ETS1: variants seen among roughly 807,000 people sequenced by gnomAD.
ETS1 encodes ETS proto-oncogene 1, transcription factor, also known as protein C-ets-1.
A neutral mutation model predicts 58.6 loss-of-function variants in ETS1; 15 were observed. The observed-to-expected ratio is 0.26, with a 90% CI of 0.17 to 0.39. ETS1 has a LOEUF of 0.39. ETS1 is among the 10% of genes least tolerant of loss of function. ETS1 has a pLI of 1.00. For synonymous variants in ETS1, 214 were observed against 218.2 expected (o/e 0.98, Z 0.17); for missense variants, 417 against 610.5 (o/e 0.68, Z 3.34).
chr11:128,562,085 T>G (rs1565410869), intron 2 of ETS1, among the ~76,000 whole-genome samples: 1 of 152,000 alleles, frequency 6.6e-6, no homozygotes, highest in Non-Finnish European at 1.5e-5. Context: ...GCACCAGGGG[T>G]GGTGAACAAG....
chr11:128,484,992 C>A lies in ETS1; in HGVS notation c.693G>T (p.Thr231=). The part of the protein sequence containing the change: ...EPSFITESYQ[T]LHPISSEELL... Reference sequence around the variant, plus strand: ...GCTCTTCCGAGCTGATGGGATGGAGCGTCTGATAGGACTCTGTGATGAAGC... The same window carrying A: ...GCTCTTCCGAGCTGATGGGATGGAGAGTCTGATAGGACTCTGTGATGAAGC... The change falls in exon 7 of 10, where the codon ACG becomes ACT. Residue 231 remains threonine, a synonymous_variant. Coordinates refer to ENST00000392668, the MANE Select transcript of ETS1 (RefSeq NM_001143820.2). 6.2e-7 allele frequency: 1 copy of A among 1,613,888 alleles called. No individual in the cohort carries two copies. The highest frequency in any genetic ancestry group is 8.5e-7 in the Non-Finnish European group (1 of 1,179,894).
rs755967336 is a variant in ETS1 at position 128,463,584 on chromosome 11, G to A, written c.1167C>T (p.Leu389=). 6.2e-7 allele frequency: 1 copy of A among 1,612,772 alleles called. No individual in the cohort carries two copies. The highest frequency in any genetic ancestry group is 1.1e-5 in the South Asian group (1 of 91,042). ...IQLWQFLLEL[L]TDKSCQSFIS... ...TAAAAGACTGACAGGATTTATCAGT[G>A]AGTAATTCCAGAAGAAACTGCCATA... is the stretch of plus-strand genomic sequence containing the variant. The change falls in exon 9 of 10, where the codon CTC becomes CTT. Residue 389 remains leucine (L), a synonymous_variant. Transcript: ENST00000392668. This position sits in a 1 kb window ranked among gnomAD's most constrained non-coding sequence, Gnocchi z 4.1.
At chr11:128,527,177 A>G in intron 3 of ETS1, 1 of 326,380 alleles carries the variant, frequency 3.1e-6, no homozygotes, top group South Asian at 2.3e-5. Context: ...CAGGATAACC[A>G]CACTATGGTT....
At chr11:128,505,003 G>A (rs1863192094) in intron 3 of ETS1, 1 of 152,224 alleles carries the variant, frequency 6.6e-6, no homozygotes, top group South Asian at 2.1e-4. Flanking sequence ...GGGATATTAA[G>A]CAACTTTCAA....
chr11:128,491,672 C>T (rs1862804674), intron 3 of ETS1, among the ~76,000 whole-genome samples: 1 of 152,196 alleles, frequency 6.6e-6, no homozygotes, highest in African/African-American at 2.4e-5. Flanking sequence ...AATGGATGAG[C>T]AAGACATTTT....
intron 8 of ETS1, among the ~76,000 whole-genome samples, chr11:128,476,415 G>T (rs902741568): frequency 2.0e-5 from 3 of 152,230 alleles, no homozygotes; most frequent in Non-Finnish European, 2.9e-5. Flanking sequence ...ATGAAGAAAA[G>T]ATTTTCTATT....
chr11:128,526,791 C>T, intron 3 of ETS1: 1 of 369,518 alleles, frequency 2.7e-6, no homozygotes, highest in Non-Finnish European at 5.3e-6. Flanking sequence ...ATTTGTAGTG[C>T]CTCTTTGGAG....
intron 3 of ETS1, among the ~76,000 whole-genome samples, chr11:128,547,968 G>A (rs1032599230): frequency 1.3e-5 from 2 of 151,986 alleles, no homozygotes; most frequent in Non-Finnish European, 2.9e-5. Flanking sequence ...TTTCATGTTT[G>A]ACTGATGACC....
chr11:128,521,305 G>T (rs183369255), intron 3 of ETS1, among the ~76,000 whole-genome samples: 39 of 152,286 alleles, frequency 2.6e-4, no homozygotes, highest in African/African-American at 7.7e-4. Flanking sequence ...AGAAACATGG[G>T]TAAAGTAAGT....
intron 1 of ETS1, among the ~76,000 whole-genome samples, chr11:128,582,640 A>T (rs915094935): frequency 6.6e-6 from 1 of 152,276 alleles, no homozygotes; most frequent in South Asian, 2.1e-4. Context: ...ATTCCCTTTC[A>T]TAATCATAGG....
chr11:128,540,388 A>G (rs1001422276), intron 3 of ETS1, among the ~76,000 whole-genome samples: 1 of 152,122 alleles, frequency 6.6e-6, no homozygotes, highest in Admixed American at 6.5e-5. Flanking sequence ...TAGCTGCACA[A>G]TACTGTAAAT....
At chr11:128,507,845 C>T (rs1372160394) in intron 3 of ETS1, among the ~76,000 whole-genome samples, 13 of 152,176 alleles carry the variant, frequency 8.5e-5, no homozygotes, top group Non-Finnish European at 1.3e-4. Context: ...GCTGTATTAT[C>T]AAGTACAGAG....
In ETS1 at chr11:128,490,940, G is replaced by A. The variant is rs145828093; in HGVS notation, c.215-364C>T. On this transcript the variant is annotated intron_variant, in intron 3 of 9. Coordinates refer to ENST00000392668, the MANE Select transcript of ETS1 (RefSeq NM_001143820.2). ...TCACCATGTTGGCCAGGCTGGTCTC[G>A]AGCTCCTGACCTCAAGTGATCCACC... is the stretch of plus-strand genomic sequence containing the variant. 2.1e-3 allele frequency among the ~76,000 whole-genome samples: 326 copies of A among 151,722 alleles called. 3 individuals are homozygous for A. Among genetic ancestry groups the A allele is most frequent in the African/African-American group, 7.2e-3 (297 of 41,370 alleles).
In ETS1 at chr11:128,585,144, GAAA is replaced by G. The variant is rs1565421773; in HGVS notation, c.-15+2341_-15+2343del. ...AGAAAGAAGAAAGAAAGAAAAGAAA[GAAA>G]GAAAGAAAGAAAGAAAGAAAGAGAA... On this transcript the variant is annotated intron_variant, in intron 1 of 9. Coordinates refer to ENST00000392668, the MANE Select transcript of ETS1 (RefSeq NM_001143820.2). 6.3e-3 allele frequency among the ~76,000 whole-genome samples: 91 copies of G among 14,400 alleles called. 5 individuals are homozygous for G. The highest frequency in any genetic ancestry group is 0.017 in the Middle Eastern group (1 of 60). 9.4% of individuals were successfully genotyped at this position (14,400 alleles called of 152,430 possible).
At chr11:128,585,187 AAGGAAG>A (rs1565421982) in intron 1 of ETS1, among the ~76,000 whole-genome samples, 3 of 35,904 alleles carry the variant, frequency 8.4e-5, no homozygotes, top group African/African-American at 3.4e-4. Flanking sequence ...AGAAAGAAAG[AAGGAAG>A]GAAAGAAAGA....
In ETS1 at chr11:128,552,025, A is replaced by G. The variant is rs958846593; in HGVS notation, c.214+4266T>C. ...ACAAACCCTAAAGTGATTCTCATGTACCCTGGGAGTTTCTGCTTCGATAAG... is the reference window on the plus strand; with the variant it reads ...ACAAACCCTAAAGTGATTCTCATGTGCCCTGGGAGTTTCTGCTTCGATAAG... On this transcript the variant is annotated intron_variant, in intron 3 of 9. Transcript: ENST00000392668. 6.6e-5 allele frequency among the ~76,000 whole-genome samples: 10 copies of G among 151,956 alleles called. 1 individual carries two copies. Among genetic ancestry groups the G allele is most frequent in the Non-Finnish European group, 1.5e-5 (1 of 67,998 alleles).
intron 3 of ETS1, among the ~76,000 whole-genome samples, chr11:128,540,715 A>G (rs1864044308): frequency 3.9e-5 from 6 of 152,214 alleles, no homozygotes; most frequent in Admixed American, 3.9e-4. Flanking sequence ...ATTTAAAAAT[A>G]TTATCTCCTG....
At chr11:128,539,048 T>C (rs1008394543) in intron 3 of ETS1, among the ~76,000 whole-genome samples, 2 of 152,158 alleles carry the variant, frequency 1.3e-5, no homozygotes, top group Admixed American at 1.3e-4. Flanking sequence ...AAAAGTTAAC[T>C]CTAAGTGGAT....
intron 1 of ETS1, among the ~76,000 whole-genome samples, chr11:128,584,633 T>C (rs1864937041): frequency 1.3e-5 from 2 of 152,130 alleles, no homozygotes; most frequent in African/African-American, 4.8e-5. Flanking sequence ...TAGAAAATCA[T>C]CTACATTAAA....
Sources: allele counts gnomAD v4.1 joint callset (sites outside exome capture counted in the v4.1 genomes callset), GRCh38; gene constraint gnomAD v4.1.1; non-coding constraint Gnocchi (gnomAD v3.1); transcripts MANE v1.5; gene names NCBI Gene and HGNC (gene_info 2026-07-23, HGNC 2026-07-21).